SFTPB: variants seen among roughly 807,000 people sequenced by gnomAD.
SFTPB encodes the protein pulmonary surfactant-associated protein B.
In SFTPB, 32 loss-of-function variants were observed where a neutral mutation model predicts 51.0. That is an observed-to-expected ratio of 0.63 (90% CI 0.47 to 0.84). The LOEUF (loss-of-function observed/expected upper bound fraction) is 0.84. Ranked by LOEUF, SFTPB falls within the 40% of genes least tolerant of loss-of-function variation. SFTPB has a pLI of 0.00. For missense variants in SFTPB, 431 were observed against 491.2 expected, an observed-to-expected ratio of 0.88 and a Z score of 1.16; for synonymous variants, 211 against 208.5, an observed-to-expected ratio of 1.01 and a Z score of -0.10.
At position 85,665,707 on chromosome 2, in the gene SFTPB, G is replaced by A; in HGVS notation, c.481C>T (p.Pro161Ser). Residue 161 changes from proline to serine, a missense_variant, in exon 5 of 11, where the codon CCC (proline) becomes TCC (serine). Pro to Ser is a moderately conservative substitution (Grantham distance 74, BLOSUM62 -1). Coordinates refer to ENST00000519937, the MANE Select transcript of SFTPB (RefSeq NM_000542.5). ...GGCAGAGGGTCCCGCAGAGGTTTGG[G>A]CAGGGGGTCTGACATCCCTGGCTCC... The part of the protein sequence containing the change: ...EQEPGMSDPL[P>S]KPLRDPLPDP... 2 of 1,614,236 alleles carry A rather than the reference G, an allele frequency of 1.2e-6. No individual in the cohort carries two copies. Among genetic ancestry groups the A allele is most frequent in the Non-Finnish European group, 1.7e-6 (2 of 1,180,032 alleles).
chr2:85,667,556 T>A (rs1677713435), intron 2 of SFTPB, 123 bp downstream of exon 2: 1 of 1,241,958 alleles, frequency 8.1e-7, no homozygotes, highest in East Asian at 2.3e-5. Flanking sequence ...TCTCATTTCA[T>A]CTCATCCCAT....
chr2:85,664,592 G>C (rs1187797678), intron 6 of SFTPB, among the ~76,000 whole-genome samples: 1 of 152,174 alleles, frequency 6.6e-6, no homozygotes, highest in Admixed American at 6.5e-5. Context: ...AGCCTCCCGA[G>C]TAGCTGGGAC....
At chr2:85,659,921 G>T (rs1264691446) in intron 10 of SFTPB, among the ~76,000 whole-genome samples, 4 of 152,180 alleles carry the variant, frequency 2.6e-5, no homozygotes, top group African/African-American at 9.7e-5. Context: ...ACATTAAACT[G>T]GTCCCTGTGG....
Position 85,663,738 on chromosome 2 carries a change from A to C in SFTPB, c.782T>G (p.Leu261Arg), listed in dbSNP as rs759379195. The change falls in exon 7 of 11, where the codon CTG becomes CGG. Residue 261 changes from leucine to arginine, a missense_variant. By Grantham distance (102) the Leu-to-Arg change is moderately radical (BLOSUM62 -2). Transcript: ENST00000519937. ...ERYSVILLDTLLGRMLPQLVC... is the reference protein window; with the variant it reads ...ERYSVILLDTRLGRMLPQLVC... The stretch of plus-strand genomic sequence containing the variant: ...CAGCTGGGGCAGCATGCGGCCCAGC[A>C]GCGTGTCGAGCAGGATGACGGAGTA... The C allele has an allele frequency of 1.2e-6, 2 of 1,611,038 alleles. No homozygotes were observed. Among genetic ancestry groups the C allele is most frequent in the African/African-American group, 2.7e-5 (2 of 74,910 alleles).
chr2:85,665,350 G>C lies in SFTPB; in HGVS notation c.611C>G (p.Pro204Arg), dbSNP rs150799880. Residue 204 changes from proline (P) to arginine (R), a missense_variant, in exon 6 of 11, where the codon CCT (proline) becomes CGT (arginine). Coordinates refer to ENST00000519937, the MANE Select transcript of SFTPB (RefSeq NM_000542.5). ...CCTGCAGAGCCAGCAATAGGGGAGAGGAATGGGGAATTGCTGCTCGGAGAG... is the reference window on the plus strand; with the variant it reads ...CCTGCAGAGCCAGCAATAGGGGAGACGAATGGGGAATTGCTGCTCGGAGAG... ...QDLSEQQFPI[P>R]LPYCWLCRAL... 2.5e-6 allele frequency: 4 copies of C among 1,614,064 alleles called. No individual in the cohort carries two copies. Among genetic ancestry groups the C allele is most frequent in the Non-Finnish European group, 3.4e-6 (4 of 1,179,956 alleles).
Position 85,666,688 on chromosome 2 carries a change from G to A in SFTPB, c.322C>T (p.Leu108Phe). 1 of 1,613,838 alleles carries A rather than the reference G, an allele frequency of 6.2e-7. No homozygotes were observed. Among genetic ancestry groups the A allele is most frequent in the South Asian group, 1.1e-5 (1 of 91,078 alleles). Residue 108 changes from leucine to phenylalanine, a missense_variant, in exon 4 of 11, where the codon CTC becomes TTC. Physicochemically the swap from Leu to Phe is conservative, Grantham distance 22. Coordinates refer to ENST00000519937, the MANE Select transcript of SFTPB (RefSeq NM_000542.5). The stretch of plus-strand genomic sequence containing the variant: ...AGCACTTGGTTGCACTGGGGCATGA[G>A]CAGCTTCAAGGGGAGGACGTTGCAC... ...QECNVLPLKL[L>F]MPQCNQVLDD...
Position 85,663,705 on chromosome 2 carries a change from C to A in SFTPB, c.815G>T (p.Arg272Leu), listed in dbSNP as rs3024809. 1.7e-5 allele frequency: 27 copies of A among 1,612,452 alleles called. No homozygotes were observed. In the Admixed American group the frequency reaches 2.2e-4, roughly 13 times the overall value. ...LGRMLPQLVC[R>L]LVLRCSMDDS... ...ATCCATGGAGCACCGGAGGACGAGGCGGCAGACCAGCTGGGGCAGCATGCG... is the reference window on the plus strand; with the variant it reads ...ATCCATGGAGCACCGGAGGACGAGGAGGCAGACCAGCTGGGGCAGCATGCG... Residue 272 changes from arginine to leucine, a missense_variant, in exon 7 of 11, where the codon CGC becomes CTC. Physicochemically the swap from Arg to Leu is moderately radical, Grantham distance 102. Transcript: ENST00000519937.
At chr2:85,662,226 G>A (rs1339957141) in intron 8 of SFTPB, 117 bp from the exon 9 acceptor site, 26 of 1,534,544 alleles carry the variant, frequency 1.7e-5, no homozygotes, top group Non-Finnish European at 2.2e-5. Context: ...TCCTCCATCA[G>A]CCCTCACGGA....
chr2:85,667,374 T>A (rs1383309416), intron 2 of SFTPB, among the ~76,000 whole-genome samples, 197 bp from the exon 3 acceptor site: 2 of 151,782 alleles, frequency 1.3e-5, no homozygotes, highest in East Asian at 3.9e-4. Flanking sequence ...AATCCATCCA[T>A]CTTTATTCTG....
At chr2:85,662,183 C>T in intron 8 of SFTPB, 74 bp from the exon 9 acceptor site, 2 of 1,556,846 alleles carry the variant, frequency 1.3e-6, no homozygotes, top group Non-Finnish European at 1.7e-6. Flanking sequence ...GGCCTCTCCA[C>T]ATCTCTGGAT....
Position 85,668,134 on chromosome 2 carries a change from A to G in SFTPB, c.50T>C (p.Leu17Pro). The G allele has an allele frequency of 6.4e-7, 1 of 1,551,312 alleles. No homozygotes were observed. Among genetic ancestry groups the G allele is most frequent in the Non-Finnish European group, 8.7e-7 (1 of 1,146,828 alleles). The change falls in exon 1 of 11, where the codon CTC (leucine) becomes CCC (proline). Residue 17 changes from leucine to proline, a missense_variant. Physicochemically the swap from Leu to Pro is moderately conservative, Grantham distance 98. Coordinates refer to ENST00000519937, the MANE Select transcript of SFTPB (RefSeq NM_000542.5). ...LQWLLLLLPT[L>P]CGPGTAAWTT... ...AGACTCACCAGTGCCTGGGCCACAGAGCGTGGGCAGCAGCAGCAGCAGCCA... is the reference window on the plus strand; with the variant it reads ...AGACTCACCAGTGCCTGGGCCACAGGGCGTGGGCAGCAGCAGCAGCAGCCA...
intron 1 of SFTPB, 143 bp from the exon 2 acceptor site, chr2:85,667,949 T>G: frequency 7.6e-7 from 1 of 1,322,090 alleles, no homozygotes; most frequent in Non-Finnish European, 1.1e-6. Context: ...GGGTTCCACC[T>G]GCTCCTGGAC....
chr2:85,659,733 A>AC (rs1337327509), intron 10 of SFTPB, 51 bp from the exon 11 acceptor site: 1 of 152,312 alleles, frequency 6.6e-6, no homozygotes, highest in Admixed American at 6.5e-5. Context: ...CTGCCTGGGG[A>AC]CCCACAGCCA....
intron 1 of SFTPB, 49 bp downstream of exon 1, chr2:85,668,068 C>T: frequency 7.1e-7 from 1 of 1,415,676 alleles, no homozygotes; most frequent in East Asian, 2.5e-5. Flanking sequence ...AAGCAGTGCT[C>T]AGTGAGTGGT....
At chr2:85,666,547 G>A (rs923696796) in intron 4 of SFTPB, 70 bp downstream of exon 4, 4 of 1,542,166 alleles carry the variant, frequency 2.6e-6, no homozygotes, top group Non-Finnish European at 3.6e-6. Context: ...TGCTGTGTGT[G>A]TGGCTCCCCA....
intron 6 of SFTPB, 65 bp from the exon 7 acceptor site, chr2:85,663,912 A>C (rs1573472979): frequency 4.7e-6 from 7 of 1,478,086 alleles, no homozygotes; most frequent in Non-Finnish European, 6.4e-6. Flanking sequence ...CTCTCTGCCC[A>C]GCACCCAGCT....
In SFTPB at chr2:85,662,054, C is replaced by T. The variant is rs1188727313; in HGVS notation, c.1058G>A (p.Gly353Asp). 7 of 1,601,494 alleles carry T rather than the reference C, an allele frequency of 4.4e-6. No homozygotes were observed. Among genetic ancestry groups the T allele is most frequent in the Non-Finnish European group, 6.0e-6 (7 of 1,175,694 alleles). The part of the protein sequence containing the change: ...TPQLLTLVPR[G>D]WDAHTTCQAL... Reference sequence around the variant, plus strand: ...CTGGCAGGTGGTGTGGGCATCCCAGCCCCTGGGCACCAGGGTCAGCAGCTG... The same window carrying T: ...CTGGCAGGTGGTGTGGGCATCCCAGTCCCTGGGCACCAGGGTCAGCAGCTG... Residue 353 changes from glycine (G) to aspartate (D), a missense_variant, in exon 9 of 11, where the codon GGC becomes GAC. Physicochemically the swap from Gly to Asp is moderately conservative, Grantham distance 94 (BLOSUM62 -1). Coordinates refer to ENST00000519937, the MANE Select transcript of SFTPB (RefSeq NM_000542.5).
At chr2:85,666,253 GGCTGGCTGGGGTACTGTGTGGGTA>G in intron 4 of SFTPB, among the ~76,000 whole-genome samples, 2 of 132,286 alleles carry the variant, frequency 1.5e-5, no homozygotes, top group African/African-American at 5.5e-5. Flanking sequence ...GTGTGTGTCT[GGCTGGCTGGGGTACTGTGTGGGTA>G]TGTGTCTGGA....
At chr2:85,662,262 T>G (rs1348124848) in intron 8 of SFTPB, 153 bp from the exon 9 acceptor site, 1 of 1,487,374 alleles carries the variant, frequency 6.7e-7, no homozygotes, top group Admixed American at 2.2e-5. Context: ...GTTGAAACCC[T>G]TAACAAACTG....
Sources: gnomAD v4.1 joint callset for allele counts (sites outside exome capture counted in the v4.1 genomes callset) on GRCh38, gnomAD v4.1.1 for gene constraint, MANE v1.5 for transcripts, NCBI Gene and HGNC (gene_info 2026-07-23, HGNC 2026-07-21) for gene names.